Variants in PFKL observed in about 807,000 individuals in gnomAD.
PFKL encodes ATP-dependent 6-phosphofructokinase, liver type.
A neutral mutation model predicts 92.1 loss-of-function variants in PFKL; 74 were observed. That is an observed-to-expected ratio of 0.80 (90% CI 0.67 to 0.97). PFKL has a LOEUF of 0.97. Ranked by LOEUF, PFKL falls within the 50% of genes least tolerant of loss-of-function variation. PFKL has a pLI of 0.00. For synonymous variants in PFKL, 494 were observed against 456.4 expected, an observed-to-expected ratio of 1.08 and a Z score of -1.05; for missense variants, 1,028 against 1,116.6, an observed-to-expected ratio of 0.92 and a Z score of 1.13.
At chr21:44,307,734 G>C (rs1382696460) in intron 2 of PFKL, among the ~76,000 whole-genome samples, 1 of 152,232 alleles carries the variant, frequency 6.6e-6, no homozygotes, top group East Asian at 1.9e-4. Context: ...CTGGGGCCCT[G>C]CCAGTATTGG....
At chr21:44,317,813 G>C (rs769889151) in intron 9 of PFKL, among the ~76,000 whole-genome samples, 18 of 152,360 alleles carry the variant, frequency 1.2e-4, no homozygotes, top group Non-Finnish European at 1.0e-4. Context: ...TGGAGAGACT[G>C]CCCAGAATAA....
At chr21:44,306,020 C>T in intron 1 of PFKL, 1 of 1,069,936 alleles carries the variant, frequency 9.3e-7, no homozygotes, top group Non-Finnish European at 1.2e-6. Context: ...AGTCCCCCAT[C>T]TCATTGCGGA....
At chr21:44,304,770 TG>T (rs1426655567) in intron 1 of PFKL, among the ~76,000 whole-genome samples, 1 of 120,706 alleles carries the variant, frequency 8.3e-6, no homozygotes, top group African/African-American at 3.3e-5. Flanking sequence ...GCTGTCTTTC[TG>T]GGGGAGCTTG....
chr21:44,321,287 T>C (rs1346250665), intron 12 of PFKL: 1 of 156,428 alleles, frequency 6.4e-6, no homozygotes, highest in Non-Finnish European at 1.4e-5. Flanking sequence ...AAATTAACTG[T>C]AGTCCTGATG....
intron 9 of PFKL, among the ~76,000 whole-genome samples, chr21:44,318,125 A>T (rs1420109533): frequency 6.6e-6 from 1 of 152,228 alleles, no homozygotes; most frequent in South Asian, 2.1e-4. Context: ...CCACGGGAGG[A>T]TCCATCGCAG....
At chr21:44,312,587 A>T (rs563907900) in intron 4 of PFKL, among the ~76,000 whole-genome samples, 2 of 152,314 alleles carry the variant, frequency 1.3e-5, no homozygotes, top group South Asian at 4.1e-4. Context: ...TCTGTGATTG[A>T]TCCGAGTGAG....
chr21:44,306,615 A>C, intron 1 of PFKL, 66 bp from the exon 2 acceptor site: 2 of 1,377,810 alleles, frequency 1.5e-6, no homozygotes, highest in Non-Finnish European at 2.0e-6. Context: ...GTCCTCTGAG[A>C]TGGGGAGGGT....
chr21:44,304,245 CT>C (rs1324718561), intron 1 of PFKL: 2 of 1,289,256 alleles, frequency 1.6e-6, no homozygotes, highest in Non-Finnish European at 1.0e-6. Flanking sequence ...TTGCTGACCC[CT>C]GATCCTGGGG....
intron 2 of PFKL, among the ~76,000 whole-genome samples, chr21:44,307,540 AG>A (rs1213888601): frequency 2.6e-5 from 4 of 152,168 alleles, no homozygotes; most frequent in African/African-American, 9.7e-5. Context: ...CTGCAGCCCC[AG>A]GCACTCAGCC....
intron 5 of PFKL, among the ~76,000 whole-genome samples, 200 bp downstream of exon 5, chr21:44,313,343 G>A (rs561887060): frequency 6.6e-6 from 1 of 152,328 alleles, no homozygotes; most frequent in South Asian, 2.1e-4. Context: ...GGGCCTTTGT[G>A]CAGCCCCTTC....
chr21:44,321,865 C>T lies in PFKL; in HGVS notation c.1328C>T (p.Ala443Val). ...YVVHDGFEGL[A>V]KGQVQEVGWH... Reference sequence around the variant, plus strand: ...GTGCACGATGGCTTCGAAGGCCTAGCCAAGGGTCAGGTGGGTCCGGCCGGG... The same window carrying T: ...GTGCACGATGGCTTCGAAGGCCTAGTCAAGGGTCAGGTGGGTCCGGCCGGG... Residue 443 changes from alanine (A) to valine (V), a missense_variant, in exon 13 of 22, where the codon GCC becomes GTC. By Grantham distance (64) the Ala-to-Val change is moderately conservative (BLOSUM62 0). Transcript: ENST00000349048. 3 of 1,548,774 alleles carry T rather than the reference C, an allele frequency of 1.9e-6. No homozygotes were observed. The highest frequency in any genetic ancestry group is 2.6e-6 in the Non-Finnish European group (3 of 1,144,266).
intron 1 of PFKL, chr21:44,304,538 A>G: frequency 8.8e-7 from 1 of 1,138,332 alleles, no homozygotes; most frequent in Non-Finnish European, 1.1e-6. Context: ...GCTGTGGCTG[A>G]GTGGATCTCC....
chr21:44,304,950 G>C (rs1241766401), intron 1 of PFKL, among the ~76,000 whole-genome samples: 3 of 152,136 alleles, frequency 2.0e-5, no homozygotes, highest in Non-Finnish European at 4.4e-5. Flanking sequence ...TGCCAGTGTG[G>C]GCAGCTCCAG....
chr21:44,317,367 G>A (rs1361995945), intron 9 of PFKL, among the ~76,000 whole-genome samples: 3 of 152,164 alleles, frequency 2.0e-5, no homozygotes, highest in South Asian at 2.1e-4. Flanking sequence ...CTATAGAGGG[G>A]AGGCTTCCTC....
rs965138023 is a variant in PFKL at position 44,311,041 on chromosome 21, C to T, written c.195C>T (p.Ile65=). The change falls in exon 3 of 22, where the codon ATC becomes ATT. Residue 65 remains isoleucine, a synonymous_variant. Coordinates refer to ENST00000349048, the MANE Select transcript of PFKL (RefSeq NM_002626.6). ...GCCTCGTGGAGGGAGGTGAGAACAT[C>T]AAGCAGGCCAACTGGCTGAGCGTCT... ...YEGLVEGGEN[I]KQANWLSVSN... 2 of 1,613,078 alleles carry T rather than the reference C, an allele frequency of 1.2e-6. No homozygotes were observed. The highest frequency in any genetic ancestry group is 2.7e-5 in the African/African-American group (2 of 74,858).
chr21:44,312,123 A>T lies in PFKL; in HGVS notation c.256A>T (p.Ser86Cys). The T allele has an allele frequency of 3.8e-6, 6 of 1,564,264 alleles. No homozygotes were observed. The highest frequency in any genetic ancestry group is 5.2e-6 in the Non-Finnish European group (6 of 1,155,722). The change falls in exon 4 of 22, where the codon AGC becomes TGC. Residue 86 changes from serine to cysteine, a missense_variant. Physicochemically the swap from Ser to Cys is moderately radical, Grantham distance 112. Transcript: ENST00000349048. Reference sequence around the variant, plus strand: ...TGTGCAGGGCGGCACTATCATTGGCAGCGCTCGCTGCAAGGCCTTTACCAC... The same window carrying T: ...TGTGCAGGGCGGCACTATCATTGGCTGCGCTCGCTGCAAGGCCTTTACCAC... ...IIQLGGTIIGSARCKAFTTRE... is the reference protein window; with the variant it reads ...IIQLGGTIIGCARCKAFTTRE...
intron 1 of PFKL, chr21:44,305,307 G>C (rs1194138439): frequency 7.3e-7 from 1 of 1,364,320 alleles, no homozygotes; most frequent in Non-Finnish European, 9.8e-7. Flanking sequence ...CCCACGCCAA[G>C]CTGGAGAGCG....
intron 2 of PFKL, 32 bp from the exon 3 acceptor site, chr21:44,310,974 C>T (rs767503310): frequency 6.3e-7 from 1 of 1,580,060 alleles, no homozygotes; most frequent in Non-Finnish European, 8.7e-7. Context: ...ATGGGGTCCC[C>T]TATCTCATGC....
intron 9 of PFKL, among the ~76,000 whole-genome samples, chr21:44,317,356 T>C (rs942290320): frequency 1.3e-5 from 2 of 152,086 alleles, no homozygotes; most frequent in Admixed American, 6.5e-5. Context: ...CGAGGGCCAC[T>C]CTATAGAGGG....
Sources: allele counts gnomAD v4.1 joint callset (sites outside exome capture counted in the v4.1 genomes callset), GRCh38; gene constraint gnomAD v4.1.1; transcripts MANE v1.5; gene names NCBI Gene and HGNC (gene_info 2026-07-23, HGNC 2026-07-21).